The following BMP6 variants were observed in gnomAD, a reference collection of about 807,000 sequenced individuals.
BMP6 encodes VG-1-R.
Under a neutral mutation model 54.1 loss-of-function variants are expected in BMP6, and 17 were observed. That is an observed-to-expected ratio of 0.31 (90% CI 0.22 to 0.47). The LOEUF (loss-of-function observed/expected upper bound fraction) is 0.47. Among genes scored for constraint, BMP6 ranks in the 20% least tolerant of loss-of-function variants. The pLI, the probability that BMP6 is intolerant of heterozygous loss-of-function variation, is 1.00. For synonymous variants in BMP6, 328 were observed against 291.2 expected (o/e 1.13, Z -1.28); for missense variants, 720 against 690.4 (o/e 1.04, Z -0.48).
intron 1 of BMP6, among the ~76,000 whole-genome samples, chr6:7,798,444 C>A (rs1758222723): frequency 6.6e-6 from 1 of 152,230 alleles, no homozygotes; most frequent in South Asian, 2.1e-4. Flanking sequence ...TGGGTGACCA[C>A]CCTTCCAGTC....
At chr6:7,854,983 G>C (rs563124908) in intron 2 of BMP6, among the ~76,000 whole-genome samples, 1 of 152,168 alleles carries the variant, frequency 6.6e-6, no homozygotes, top group South Asian at 2.1e-4. Flanking sequence ...ACCCTGCCTT[G>C]GACATATAGA....
At chr6:7,804,372 C>A (rs867023983) in intron 1 of BMP6, among the ~76,000 whole-genome samples, 2 of 152,018 alleles carry the variant, frequency 1.3e-5, no homozygotes, top group Admixed American at 6.5e-5. Context: ...TGCAAACTGG[C>A]TTTCACACTC....
At chr6:7,826,046 T>C (rs911723934) in intron 1 of BMP6, among the ~76,000 whole-genome samples, 1 of 152,190 alleles carries the variant, frequency 6.6e-6, no homozygotes, top group Non-Finnish European at 1.5e-5. Flanking sequence ...AGAGGACCCC[T>C]CATGGGTGAA....
intron 4 of BMP6, among the ~76,000 whole-genome samples, chr6:7,873,285 T>C (rs1161259209): frequency 6.6e-6 from 1 of 152,158 alleles, no homozygotes; most frequent in African/African-American, 2.4e-5. Context: ...TGTTTGATAA[T>C]TTGCTGGAAC....
chr6:7,737,808 AT>A (rs558605202), intron 1 of BMP6, among the ~76,000 whole-genome samples: 38 of 152,264 alleles, frequency 2.5e-4, no homozygotes, highest in Non-Finnish European at 5.1e-4. Flanking sequence ...GAAATGACTC[AT>A]TTTCACCCAC....
At chr6:7,801,078 T>A (rs1758263535) in intron 1 of BMP6, among the ~76,000 whole-genome samples, 2 of 152,244 alleles carry the variant, frequency 1.3e-5, no homozygotes, top group Admixed American at 1.3e-4. Flanking sequence ...AGTTCCAGAA[T>A]GTAGTAACGA....
At chr6:7,736,312 GC>G (rs1761954998) in intron 1 of BMP6, among the ~76,000 whole-genome samples, 1 of 152,164 alleles carries the variant, frequency 6.6e-6, no homozygotes, top group South Asian at 2.1e-4. Context: ...AAATAAAGAA[GC>G]CTGAAGAATG....
At chr6:7,755,760 T>C (rs1166776814) in intron 1 of BMP6, among the ~76,000 whole-genome samples, 1 of 152,106 alleles carries the variant, frequency 6.6e-6, no homozygotes, top group African/African-American at 2.4e-5. Context: ...TCAGCTTTTA[T>C]TTATCTGAAA....
chr6:7,761,557 T>C (rs1207782228), intron 1 of BMP6, among the ~76,000 whole-genome samples: 1 of 152,180 alleles, frequency 6.6e-6, no homozygotes, highest in Non-Finnish European at 1.5e-5. Flanking sequence ...CAGGGGTGGA[T>C]GGAAGGATGG....
chr6:7,755,649 T>C (rs555955329), intron 1 of BMP6, among the ~76,000 whole-genome samples: 1 of 152,168 alleles, frequency 6.6e-6, no homozygotes, highest in Non-Finnish European at 1.5e-5. Context: ...TATTCCTTTT[T>C]GTAGATCAAC....
At chr6:7,803,568 T>C (rs1016523753) in intron 1 of BMP6, among the ~76,000 whole-genome samples, 1 of 152,188 alleles carries the variant, frequency 6.6e-6, no homozygotes, top group Non-Finnish European at 1.5e-5. Flanking sequence ...CCTTTGTCCA[T>C]GCCACTGTCT....
At chr6:7,731,111 G>A (rs1455412260) in intron 1 of BMP6, among the ~76,000 whole-genome samples, 1 of 152,194 alleles carries the variant, frequency 6.6e-6, no homozygotes, top group African/African-American at 2.4e-5. Context: ...CTCTTTCTGG[G>A]TGAATAGGCT....
intron 2 of BMP6, among the ~76,000 whole-genome samples, chr6:7,848,716 T>C (rs951461630): frequency 3.9e-5 from 6 of 152,258 alleles, no homozygotes; most frequent in Non-Finnish European, 7.3e-5. Flanking sequence ...GCAACAATAG[T>C]CTGCATCATT....
At chr6:7,829,283 TTTCC>T in intron 1 of BMP6, among the ~76,000 whole-genome samples, 1 of 152,296 alleles carries the variant, frequency 6.6e-6, no homozygotes, top group South Asian at 2.1e-4. Flanking sequence ...TCTCTCTGTC[TTTCC>T]TTCCTTCCTT....
At chr6:7,755,110 T>C (rs1018662865) in intron 1 of BMP6, among the ~76,000 whole-genome samples, 11 of 152,364 alleles carry the variant, frequency 7.2e-5, no homozygotes, top group Admixed American at 6.5e-4. Flanking sequence ...AGTTAGGTCT[T>C]GTTTATTTCT....
At chr6:7,811,563 C>G (rs923923921) in intron 1 of BMP6, among the ~76,000 whole-genome samples, 1 of 152,184 alleles carries the variant, frequency 6.6e-6, no homozygotes, top group Non-Finnish European at 1.5e-5. Context: ...TTTGAAATGA[C>G]TTGATTCAGA....
intron 4 of BMP6, among the ~76,000 whole-genome samples, chr6:7,869,711 C>T (rs1182979946): frequency 6.6e-6 from 1 of 152,110 alleles, no homozygotes. Context: ...ACAGGGGAGA[C>T]CAGGACTTAA....
At position 7,782,324 on chromosome 6, in the gene BMP6, A is replaced by G. The variant is rs557796475; in HGVS notation, c.664+54705A>G. On this transcript the variant is annotated intron_variant, in intron 1 of 6. Coordinates refer to ENST00000283147, the MANE Select transcript of BMP6 (RefSeq NM_001718.6). ...GTTTGAGGTGTTTTTGAGACATCAG[A>G]GGGGGATTGTTGAATAGGCTTTGGT... Among the ~76,000 whole-genome samples, 18 of 152,220 alleles carry G rather than the reference A, an allele frequency of 1.2e-4. No individual in the cohort carries two copies. In the South Asian group the frequency reaches 3.1e-3, roughly 26 times the overall value.
intron 1 of BMP6, among the ~76,000 whole-genome samples, chr6:7,823,491 A>G (rs193002838): frequency 6.6e-6 from 1 of 152,360 alleles, no homozygotes; most frequent in East Asian, 1.9e-4. Context: ...CTAGTGGAAG[A>G]GGTAACAATA....
Sources: allele counts gnomAD v4.1 joint callset (sites outside exome capture counted in the v4.1 genomes callset), GRCh38; gene constraint gnomAD v4.1.1; transcripts MANE v1.5; gene names NCBI Gene and HGNC (gene_info 2026-07-23, HGNC 2026-07-21).